EYS: variants seen among roughly 807,000 people sequenced by gnomAD.
The protein encoded by EYS is EGF-like photoreceptor maintenance factor.
Under a neutral mutation model 282.1 loss-of-function variants are expected in EYS, and 250 were observed. The observed-to-expected ratio is 0.89, with a 90% CI of 0.80 to 0.98. The LOEUF (loss-of-function observed/expected upper bound fraction) is 0.98. Ranked by LOEUF, EYS falls within the 50% of genes least tolerant of loss-of-function variation. The pLI is 0.00. For missense variants in EYS, 4,016 were observed against 3,709.0 expected (o/e 1.08, Z -2.15); for synonymous variants, 1,355 against 1,282.9 (o/e 1.06, Z -1.20).
chr6:64,364,866 T>C (rs957545384), intron 29 of EYS, among the ~76,000 whole-genome samples: 3 of 151,884 alleles, frequency 2.0e-5, no homozygotes, highest in African/African-American at 7.2e-5. Context: ...AATATATTCA[T>C]GTAACACAAC....
intron 19 of EYS, among the ~76,000 whole-genome samples, chr6:64,863,297 G>T (rs545726575): frequency 6.6e-6 from 1 of 151,980 alleles, no homozygotes; most frequent in African/African-American, 2.4e-5. Flanking sequence ...CCCTTTCTCT[G>T]TTGAGACTTT....
In EYS at chr6:64,021,605, G is replaced by A. The variant is rs143084768; in HGVS notation, c.6726-22422C>T. 2.4e-3 allele frequency among the ~76,000 whole-genome samples: 369 copies of A among 152,226 alleles called. 5 individuals are homozygous for A. The highest frequency in any genetic ancestry group is 0.02 in the Admixed American group (301 of 15,288). ...ATAAGTAGGAGGAACAATGGGACAT[G>A]GTTTTTCTACAATGGATGAATTGAA... On this transcript the variant is annotated intron_variant, in intron 33 of 42. Transcript: ENST00000503581.
chr6:65,078,829 T>A (rs1343480610), intron 12 of EYS, among the ~76,000 whole-genome samples: 4 of 151,888 alleles, frequency 2.6e-5, no homozygotes, highest in Admixed American at 1.3e-4. Flanking sequence ...GGCAGATCCC[T>A]CATGACTTGG....
intron 31 of EYS, among the ~76,000 whole-genome samples, chr6:64,091,695 G>T (rs1472864414): frequency 6.6e-6 from 1 of 152,070 alleles, no homozygotes; most frequent in Non-Finnish European, 1.5e-5. Flanking sequence ...GAAACTAGGT[G>T]CCAATTAATT....
At chr6:64,113,066 C>T (rs145292590) in intron 31 of EYS, among the ~76,000 whole-genome samples, 72 of 151,946 alleles carry the variant, frequency 4.7e-4, no homozygotes, top group African/African-American at 1.7e-3. Context: ...CTAGTTTTGC[C>T]GTTACCAGTT....
chr6:64,453,513 A>T (rs998889514), intron 26 of EYS, among the ~76,000 whole-genome samples: 3 of 152,210 alleles, frequency 2.0e-5, no homozygotes, highest in Non-Finnish European at 2.9e-5. Context: ...CTGGGTATCT[A>T]CCCAAAGGAT....
intron 14 of EYS, 134 bp downstream of exon 14, chr6:64,997,448 T>C (rs1162561241): frequency 2.5e-6 from 2 of 802,026 alleles, no homozygotes; most frequent in Non-Finnish European, 3.6e-6. Flanking sequence ...GTTTCTGTTT[T>C]CTAACCTTGA....
chr6:65,468,517 A>C (rs1205718596), intron 5 of EYS, among the ~76,000 whole-genome samples: 1 of 152,188 alleles, frequency 6.6e-6, no homozygotes, highest in African/African-American at 2.4e-5. Context: ...TTAGTTAGTT[A>C]GTTATTTAGT....
chr6:64,088,947 T>C (rs1772257129), intron 31 of EYS, among the ~76,000 whole-genome samples: 1 of 152,010 alleles, frequency 6.6e-6, no homozygotes, highest in South Asian at 2.1e-4. Flanking sequence ...AAATTATTCA[T>C]ATACAAGTTG....
intron 37 of EYS, among the ~76,000 whole-genome samples, chr6:63,796,916 G>A (rs990943993): frequency 5.3e-5 from 8 of 152,200 alleles, no homozygotes; most frequent in African/African-American, 1.9e-4. Flanking sequence ...AAGAGAAAAT[G>A]TAAGAGGAGC....
At chr6:65,496,692 T>C (rs986514988) in intron 2 of EYS, among the ~76,000 whole-genome samples, 1 of 152,076 alleles carries the variant, frequency 6.6e-6, no homozygotes, top group Non-Finnish European at 1.5e-5. Context: ...CAATAAATAG[T>C]AGCTTTTATT....
intron 26 of EYS, among the ~76,000 whole-genome samples, chr6:64,562,151 C>A (rs746896048): frequency 1.1e-4 from 17 of 151,698 alleles, no homozygotes; most frequent in Non-Finnish European, 2.1e-4. Context: ...CATTTATTAG[C>A]AGAATTCTAT....
At chr6:64,141,474 G>A (rs1774335398) in intron 31 of EYS, among the ~76,000 whole-genome samples, 1 of 152,120 alleles carries the variant, frequency 6.6e-6, no homozygotes, top group African/African-American at 2.4e-5. Context: ...CCATGTGTCA[G>A]AACAAAAGTG....
chr6:63,949,445 G>C (rs971873208), intron 35 of EYS, among the ~76,000 whole-genome samples: 1 of 152,048 alleles, frequency 6.6e-6, no homozygotes, highest in Non-Finnish European at 1.5e-5. Context: ...TCAATTCAGT[G>C]GTCCCTTTCT....
chr6:64,001,473 A>T (rs1768090667), intron 33 of EYS, among the ~76,000 whole-genome samples: 2 of 152,124 alleles, frequency 1.3e-5, no homozygotes, highest in African/African-American at 4.8e-5. Context: ...TGTCCTTAAC[A>T]TTTTTGCACT....
chr6:64,363,541 T>C lies in EYS; in HGVS notation c.6078+25149A>G, dbSNP rs372640344. On this transcript the variant is annotated intron_variant, in intron 29 of 42. Transcript: ENST00000503581. ...TTAGTTTAATTTCTTTGTTTTTAAA[T>C]GGAAATAGTAACAGATTCTGCCGCT... 6.0e-5 allele frequency among the ~76,000 whole-genome samples: 9 copies of C among 151,258 alleles called. No individual in the cohort carries two copies. The East Asian group carries it at 1.8e-3, about 30-fold the overall frequency.
intron 35 of EYS, among the ~76,000 whole-genome samples, chr6:63,865,382 A>T (rs1171323127): frequency 6.6e-6 from 1 of 152,164 alleles, no homozygotes; most frequent in Non-Finnish European, 1.5e-5. Context: ...GAGACAATAT[A>T]TTCCACTGCT....
intron 31 of EYS, among the ~76,000 whole-genome samples, chr6:64,176,451 A>T (rs2150309598): frequency 6.6e-6 from 1 of 152,146 alleles, no homozygotes; most frequent in Admixed American, 6.6e-5. Context: ...AAACTTTTTG[A>T]TATCAAGACA....
At chr6:64,272,952 G>T (rs570208745) in intron 30 of EYS, among the ~76,000 whole-genome samples, 2 of 152,166 alleles carry the variant, frequency 1.3e-5, no homozygotes, top group South Asian at 4.1e-4. Flanking sequence ...ATTTTCACCA[G>T]ACTAAAATAT....
Sources: allele counts gnomAD v4.1 joint callset (sites outside exome capture counted in the v4.1 genomes callset), GRCh38; gene constraint gnomAD v4.1.1; transcripts MANE v1.5; gene names NCBI Gene and HGNC (gene_info 2026-07-23, HGNC 2026-07-21).